Variants in SOS2 observed in about 807,000 individuals in gnomAD.
SOS2 encodes son of sevenless homolog 2.
SOS2 carries 65 observed loss-of-function variants against 148.2 expected under a neutral mutation model. That is an observed-to-expected ratio of 0.44 (90% confidence interval 0.36 to 0.54). SOS2 has a LOEUF of 0.54. Among genes scored for constraint, SOS2 ranks in the 20% least tolerant of loss-of-function variants. The pLI is 0.00. For missense variants in SOS2, 1,341 were observed against 1,590.2 expected (o/e 0.84, Z 2.67); for synonymous variants, 539 against 537.1 (o/e 1.00, Z -0.05).
chr14:50,158,422 G>A (rs1259653431), intron 11 of SOS2, 143 bp downstream of exon 11: 1 of 536,968 alleles, frequency 1.9e-6, no homozygotes, highest in African/African-American at 1.9e-5. Flanking sequence ...TCCATTTGAA[G>A]AGAATAGTAA....
At chr14:50,187,492 C>G (rs1006452448) in intron 5 of SOS2, among the ~76,000 whole-genome samples, 2 of 151,764 alleles carry the variant, frequency 1.3e-5, no homozygotes, top group African/African-American at 4.8e-5. Flanking sequence ...GGACTACAGG[C>G]GCCCACCACT....
At chr14:50,229,505 A>G (rs1358213852) in intron 1 of SOS2, among the ~76,000 whole-genome samples, 1 of 23,652 alleles carries the variant, frequency 4.2e-5, no homozygotes, top group Non-Finnish European at 1.6e-4. Context: ...CCTAACTTGA[A>G]AAAAAAAAAA....
At chr14:50,127,133 G>A (rs537387312) in intron 21 of SOS2, among the ~76,000 whole-genome samples, 125 of 141,476 alleles carry the variant, frequency 8.8e-4, no homozygotes, top group African/African-American at 3.3e-3. Context: ...AACTAAGAAG[G>A]TCTCCTTTTT....
intron 22 of SOS2, 103 bp downstream of exon 22, chr14:50,120,172 A>G (rs1566815394): frequency 3.3e-6 from 2 of 611,252 alleles, no homozygotes; most frequent in Non-Finnish European, 5.8e-6. Flanking sequence ...CTGAAAAACC[A>G]TAAATGGTAG....
In SOS2 at chr14:50,149,614, G is replaced by A. The variant is rs557030136; in HGVS notation, c.2384+394C>T. ...GTTACATGCAAGGCCTGTACCCTTC[G>A]CAACAGCCTGAGCTGTAAATGAGAA... is the stretch of plus-strand genomic sequence containing the variant. On this transcript the variant is annotated intron_variant, in intron 14 of 22. Coordinates refer to ENST00000216373, the MANE Select transcript of SOS2 (RefSeq NM_006939.4). Among the ~76,000 whole-genome samples the A allele has an allele frequency of 4.6e-5, 7 of 152,244 alleles. No homozygotes were observed. In the East Asian group the frequency reaches 7.7e-4, roughly 17 times the overall value.
intron 21 of SOS2, among the ~76,000 whole-genome samples, chr14:50,124,212 C>G (rs1448177671): frequency 1.3e-5 from 2 of 152,130 alleles, no homozygotes; most frequent in African/African-American, 2.4e-5. Context: ...CAAGACTGAA[C>G]AACCAAGTGA....
At chr14:50,177,284 C>T (rs4900995) in intron 7 of SOS2, among the ~76,000 whole-genome samples, 133,203 of 152,086 alleles carry the variant, frequency 0.88, 58,433 homozygotes, top group East Asian at 0.91. Context: ...TGTGCCACTG[C>T]ACTCCAGCCT....
intron 2 of SOS2, 46 bp from the exon 3 acceptor site, chr14:50,201,130 A>T (rs977562870): frequency 3.2e-6 from 5 of 1,573,748 alleles, no homozygotes; most frequent in Non-Finnish European, 4.3e-6. Flanking sequence ...AAAAGTGTTC[A>T]TAAATAGGAA....
intron 1 of SOS2, among the ~76,000 whole-genome samples, chr14:50,214,111 C>G (rs1471122371): frequency 2.2e-5 from 2 of 92,902 alleles, no homozygotes; most frequent in African/African-American, 6.2e-5. Flanking sequence ...TGCTATTTTT[C>G]ATAACAAGCT....
chr14:50,189,880 G>C (rs1344890829), intron 4 of SOS2, among the ~76,000 whole-genome samples: 1 of 144,616 alleles, frequency 6.9e-6, no homozygotes, highest in Non-Finnish European at 1.5e-5. Flanking sequence ...ACACAGTCTT[G>C]CTCTCTCACC....
At chr14:50,213,019 G>A (rs887165708) in intron 1 of SOS2, among the ~76,000 whole-genome samples, 1 of 152,104 alleles carries the variant, frequency 6.6e-6, no homozygotes, top group Non-Finnish European at 1.5e-5. Flanking sequence ...TTAACCTTCT[G>A]TCATTTGTAC....
chr14:50,167,111 T>A (rs953482723), intron 8 of SOS2, among the ~76,000 whole-genome samples: 1 of 152,080 alleles, frequency 6.6e-6, no homozygotes, highest in South Asian at 2.1e-4. Flanking sequence ...ACGTGCTTTT[T>A]TAAAAAAAAC....
chr14:50,197,572 T>C (rs1170937849), intron 4 of SOS2, among the ~76,000 whole-genome samples: 1 of 142,812 alleles, frequency 7.0e-6, no homozygotes, highest in Non-Finnish European at 1.5e-5. Flanking sequence ...GTCCAGGTTA[T>C]AGAAGTTAAG....
intron 6 of SOS2, 143 bp from the exon 7 acceptor site, chr14:50,180,825 A>G: frequency 2.1e-6 from 1 of 487,448 alleles, no homozygotes; most frequent in Non-Finnish European, 3.6e-6. Flanking sequence ...CTCGAGCAAC[A>G]GAGTGAAACC....
At chr14:50,194,453 ATTTTTTTTTT>A (rs58933204) in intron 4 of SOS2, among the ~76,000 whole-genome samples, 9 of 98,764 alleles carry the variant, frequency 9.1e-5, no homozygotes, top group African/African-American at 2.0e-4. Context: ...ATCCCTTTCA[ATTTTTTTTTT>A]TTTTTTTTTT....
chr14:50,192,893 G>A (rs150072687), intron 4 of SOS2, among the ~76,000 whole-genome samples: 67 of 152,080 alleles, frequency 4.4e-4, no homozygotes, highest in Non-Finnish European at 9.1e-4. Context: ...TAATTCAATA[G>A]GTTAAAAACA....
intron 7 of SOS2, among the ~76,000 whole-genome samples, chr14:50,178,056 T>C (rs975776328): frequency 6.6e-5 from 10 of 152,106 alleles, no homozygotes; most frequent in Middle Eastern, 3.2e-3. Flanking sequence ...CTATAATAAT[T>C]AAGAGACTTA....
chr14:50,181,939 A>C (rs1885754198), intron 6 of SOS2, among the ~76,000 whole-genome samples: 1 of 151,868 alleles, frequency 6.6e-6, no homozygotes, highest in African/African-American at 2.4e-5. Context: ...ATAGAAGGTA[A>C]AGAGCTATGG....
chr14:50,120,372 C>G lies in SOS2; in HGVS notation c.3392G>C (p.Ser1131Thr). The change falls in exon 22 of 23, where the codon AGT (serine) becomes ACT (threonine). Residue 1131 changes from serine (S) to threonine (T), a missense_variant. Transcript: ENST00000216373. The stretch of plus-strand genomic sequence containing the variant: ...TAGTTTATGTAAACTACCACATGAA[C>G]TAAAGAAAGACTCTGGGGGAGAAAA... ...VLLPHSKSFFSSCGSLHKLSE... is the reference protein window; with the variant it reads ...VLLPHSKSFFTSCGSLHKLSE... The G allele has an allele frequency of 6.5e-7, 1 of 1,547,896 alleles. No individual in the cohort carries two copies. The highest frequency in any genetic ancestry group is 8.9e-7 in the Non-Finnish European group (1 of 1,123,184).
Sources: allele counts gnomAD v4.1 joint callset (sites outside exome capture counted in the v4.1 genomes callset), GRCh38; gene constraint gnomAD v4.1.1; transcripts MANE v1.5; gene names NCBI Gene and HGNC (gene_info 2026-07-23, HGNC 2026-07-21).